The following ECE1 variants were observed in gnomAD, a reference collection of about 807,000 sequenced individuals.
ECE1 encodes endothelin converting enzyme 1, also known as endothelin-converting enzyme 1.
ECE1 carries 35 observed loss-of-function variants against 98.6 expected under a neutral mutation model. The ratio of observed to expected loss-of-function variants is 0.35; its 90% confidence interval spans 0.27 to 0.47. The LOEUF (loss-of-function observed/expected upper bound fraction) is 0.47, where lower values mean the gene tolerates loss of function less well. ECE1 is among the 20% of genes least tolerant of loss of function. The pLI is 1.00. For missense variants in ECE1, 814 were observed against 1,025.3 expected, an observed-to-expected ratio of 0.79 and a Z score of 2.81; for synonymous variants, 394 against 407.1, an observed-to-expected ratio of 0.97 and a Z score of 0.39.
chr1:21,269,569 G>T (rs373755247), intron 4 of ECE1, among the ~76,000 whole-genome samples: 1 of 152,206 alleles, frequency 6.6e-6, no homozygotes, highest in Non-Finnish European at 1.5e-5. Flanking sequence ...CAGCTTGTTT[G>T]TAAGAAGTCT....
intron 16 of ECE1, among the ~76,000 whole-genome samples, chr1:21,226,730 T>G (rs975838376): frequency 1.2e-4 from 19 of 152,142 alleles, no homozygotes; most frequent in African/African-American, 4.3e-4. Flanking sequence ...CAATTTTATT[T>G]TATTTTATTT....
Position 21,301,221 on chromosome 1 carries a change from G to A in ECE1, c.4-11065C>T, listed in dbSNP as rs139662721. ...TAAAAAGCCAATTCATGGGCCGGGC[G>A]CGGTGGCTCACACCTGCAATCCCAG... On this transcript the variant is annotated intron_variant, in intron 1 of 18. Coordinates refer to the ECE1 transcript ENST00000415912. Among the ~76,000 whole-genome samples, 957 of 152,320 alleles carry A rather than the reference G, an allele frequency of 6.3e-3. 7 individuals carry two copies. The highest frequency in any genetic ancestry group is 0.016 in the South Asian group (77 of 4,824).
intron 4 of ECE1, among the ~76,000 whole-genome samples, chr1:21,264,333 G>A (rs74685272): frequency 9.4e-6 from 1 of 106,892 alleles, no homozygotes; most frequent in Middle Eastern, 5.6e-3. Flanking sequence ...TTTTTTTTTT[G>A]ACACTGAGTC....
intron 6 of ECE1, 100 bp from the exon 7 acceptor site, chr1:21,257,690 G>A (rs1200139047): frequency 1.6e-6 from 2 of 1,250,004 alleles, no homozygotes; most frequent in African/African-American, 1.5e-5. Context: ...GGCAGCAGAG[G>A]CCCAGCTCAG....
At chr1:21,227,784 G>A (rs2098176202) in intron 15 of ECE1, 147 bp downstream of exon 15, 1 of 637,138 alleles carries the variant, frequency 1.6e-6, no homozygotes, top group South Asian at 1.9e-5. Context: ...AAGTGGGTGA[G>A]GATGTTGCTT....
chr1:21,273,628 G>A (rs891194592), intron 3 of ECE1, among the ~76,000 whole-genome samples: 4 of 152,134 alleles, frequency 2.6e-5, no homozygotes, highest in Admixed American at 6.6e-5. Flanking sequence ...TCACTCCTAC[G>A]TACAAGCAGG....
chr1:21,263,515 C>T (rs1413581171), intron 4 of ECE1, among the ~76,000 whole-genome samples: 2 of 152,132 alleles, frequency 1.3e-5, no homozygotes, highest in African/African-American at 2.4e-5. Context: ...TACCACCACG[C>T]CTGGCTAATT....
intron 1 of ECE1, among the ~76,000 whole-genome samples, chr1:21,311,554 C>G (rs1346814336): frequency 6.7e-6 from 1 of 148,860 alleles, no homozygotes; most frequent in Non-Finnish European, 1.5e-5. Context: ...GTGCCTCATG[C>G]CTGCAATCCC....
chr1:21,233,612 T>C lies in ECE1; in HGVS notation c.1616A>G (p.Asn539Ser), dbSNP rs776926337. The change falls in exon 14 of 19, where the codon AAC (asparagine) becomes AGC (serine). Residue 539 changes from asparagine to serine, a missense_variant. Physicochemically the swap from Asn to Ser is conservative, Grantham distance 46 (BLOSUM62 1). Transcript: ENST00000374893. This position sits in a 1 kb window ranked among gnomAD's most constrained non-coding sequence, Gnocchi z 4.0. The part of the protein sequence containing the change: ...LYFENAMRFF[N>S]FSWRVTADQL... ...ATCGGCAGTGACCCTCCATGAGAAG[T>C]TGAAAAACCGCATGGCATTTTCAAA... 5.0e-6 allele frequency: 8 copies of C among 1,613,708 alleles called. No homozygotes were observed. Among genetic ancestry groups the C allele is most frequent in the East Asian group, 4.5e-5 (2 of 44,880 alleles).
upstream of ECE1, chr1:21,290,598 C>T: frequency 6.7e-6 from 8 of 1,192,596 alleles, no homozygotes; most frequent in Non-Finnish European, 8.3e-6. The surrounding 1 kb of genome is among the most constrained non-coding windows in gnomAD (Gnocchi z 7.3). Context: ...CCCTCCCTTC[C>T]CCGGAGGTCG....
chr1:21,344,205 TGGGCACAGCA>T (rs148768257), intron 1 of ECE1, among the ~76,000 whole-genome samples: 40 of 152,252 alleles, frequency 2.6e-4, no homozygotes, highest in African/African-American at 8.9e-4. Flanking sequence ...ACTCCAGCTC[TGGGCACAGCA>T]GGGGCTGGGA....
chr1:21,325,930 C>T (rs943563708), intron 1 of ECE1, among the ~76,000 whole-genome samples: 5 of 152,244 alleles, frequency 3.3e-5, no homozygotes, highest in Admixed American at 2.0e-4. Context: ...GTGGCACTTT[C>T]GCCAGCCACC....
At chr1:21,221,929 C>A (rs922794030) in intron 17 of ECE1, 87 bp from the exon 18 acceptor site, 3 of 1,184,622 alleles carry the variant, frequency 2.5e-6, no homozygotes, top group Non-Finnish European at 1.3e-6. Flanking sequence ...GGAGCTCCCC[C>A]GTGTTGGGGC....
intron 10 of ECE1, among the ~76,000 whole-genome samples, chr1:21,242,046 G>A (rs184669142): frequency 6.6e-6 from 1 of 152,248 alleles, no homozygotes; most frequent in Non-Finnish European, 1.5e-5. Flanking sequence ...GAAGTCTCAA[G>A]TCACAAATGG....
Position 21,258,945 on chromosome 1 carries a change from T to A in ECE1, c.616-106A>T. On this transcript the variant is annotated intron_variant, in intron 5 of 18. Coordinates refer to ENST00000374893, the MANE Select transcript of ECE1 (RefSeq NM_001397.3). This position sits in a 1 kb window ranked among gnomAD's most constrained non-coding sequence, Gnocchi z 4.2. The stretch of plus-strand genomic sequence containing the variant: ...GCTCTGTGACCCTGGAGCAGTCGCC[T>A]GACCTCTCTGAGCCTCAAGAGCAAA... 1 of 1,463,546 alleles carries A rather than the reference T, an allele frequency of 6.8e-7. No homozygotes were observed. Among genetic ancestry groups the A allele is most frequent in the Non-Finnish European group, 9.3e-7 (1 of 1,073,696 alleles). 90.7% of individuals were successfully genotyped at this position (1,463,546 alleles called of 1,614,324 possible).
chr1:21,283,599 AT>A (rs1450196907), intron 2 of ECE1, among the ~76,000 whole-genome samples: 1 of 152,144 alleles, frequency 6.6e-6, no homozygotes, highest in Admixed American at 6.5e-5. Context: ...AAGAGTAGGT[AT>A]TAGCGTTAGC....
intron 4 of ECE1, among the ~76,000 whole-genome samples, chr1:21,264,997 A>T (rs1356044899): frequency 1.3e-5 from 2 of 152,120 alleles, no homozygotes; most frequent in Non-Finnish European, 2.9e-5. Context: ...CTCTGGCCCC[A>T]TGCCCTACTT....
chr1:21,323,631 T>C (rs143857303), intron 1 of ECE1, among the ~76,000 whole-genome samples: 1 of 117,436 alleles, frequency 8.5e-6, no homozygotes, highest in East Asian at 2.0e-4. Flanking sequence ...CCCAAAAAAC[T>C]AAAAATAAAA....
At chr1:21,335,386 T>C (rs992781621) in intron 1 of ECE1, among the ~76,000 whole-genome samples, 1 of 152,142 alleles carries the variant, frequency 6.6e-6, no homozygotes, top group African/African-American at 2.4e-5. Context: ...AGAGTGCAGC[T>C]CCTTAGGGGC....
Sources: allele counts gnomAD v4.1 joint callset (sites outside exome capture counted in the v4.1 genomes callset), GRCh38; gene constraint gnomAD v4.1.1; non-coding constraint Gnocchi (gnomAD v3.1); transcripts MANE v1.5; gene names NCBI Gene and HGNC (gene_info 2026-07-23, HGNC 2026-07-21).